FBN1: variants seen among roughly 807,000 people sequenced by gnomAD.
The protein encoded by FBN1 is fibrillin-1.
In FBN1, 29 loss-of-function variants were observed where a neutral mutation model predicts 365.1. The observed-to-expected ratio is 0.08, with a 90% CI of 0.06 to 0.11. FBN1 has a LOEUF of 0.11. Among genes scored for constraint, FBN1 ranks in the 10% least tolerant of loss-of-function variants. The probability of loss-of-function intolerance (pLI) is 1.00; values close to 1 mark genes in which losing one functional copy is unlikely to be tolerated. For missense variants in FBN1, 2,476 were observed against 3,703.2 expected (o/e 0.67, Z 8.60); for synonymous variants, 1,210 against 1,270.5 (o/e 0.95, Z 1.01).
intron 63 of FBN1, among the ~76,000 whole-genome samples, 191 bp from the exon 64 acceptor site, chr15:48,415,958 T>C (rs999032554): frequency 2.6e-5 from 4 of 152,168 alleles, no homozygotes; most frequent in Non-Finnish European, 4.4e-5. Context: ...CTTCTTGCTA[T>C]GTTGTGAGTA....
At position 48,537,652 on chromosome 15, in the gene FBN1, C is replaced by G; in HGVS notation, c.695G>C (p.Arg232Pro). 2 of 1,614,178 alleles carry G rather than the reference C, an allele frequency of 1.2e-6. No homozygotes were observed. The highest frequency in any genetic ancestry group is 1.7e-6 in the Non-Finnish European group (2 of 1,180,026). Residue 232 changes from arginine (R) to proline (P), a missense_variant, in exon 7 of 66, where the codon CGC becomes CCC. By Grantham distance (103) the Arg-to-Pro change is moderately radical. This residue lies in a region of FBN1 where 421 missense variants were observed against 520.1 expected (regional missense o/e 0.81). Coordinates refer to ENST00000316623, the MANE Select transcript of FBN1 (RefSeq NM_000138.5). ...EMCPAQPHPC[R>P]RGFIPNIRTG... is the part of the protein sequence containing the mutation. ...GCGGATATTTGGAATGAAGCCACGG[C>G]GGCAGGGGTGAGGCTGGGCAGGACA... is the stretch of plus-strand genomic sequence containing the variant.
chr15:48,427,238 A>G lies in FBN1; in HGVS notation c.7204+329T>C, dbSNP rs528527845. The stretch of plus-strand genomic sequence containing the variant: ...CTTGGTGGACTGGTTTGCACATTTA[A>G]TAATCATTTATTTCAAAGTTTATCT... On this transcript the variant is annotated intron_variant, in intron 58 of 65. Coordinates refer to ENST00000316623, the MANE Select transcript of FBN1 (RefSeq NM_000138.5). Among the ~76,000 whole-genome samples the G allele has an allele frequency of 2.6e-5, 4 of 152,368 alleles. No individual in the cohort carries two copies. In the East Asian group the frequency reaches 7.7e-4, roughly 29 times the overall value.
chr15:48,606,391 T>C (rs893353515), intron 4 of FBN1, among the ~76,000 whole-genome samples: 1 of 152,198 alleles, frequency 6.6e-6, no homozygotes, highest in African/African-American at 2.4e-5. Context: ...TAGCATGTAC[T>C]ACTACTCAGC....
chr15:48,606,575 T>G (rs918528729), intron 4 of FBN1, among the ~76,000 whole-genome samples: 1 of 152,180 alleles, frequency 6.6e-6, no homozygotes, highest in African/African-American at 2.4e-5. Context: ...TTGTCAGAAT[T>G]AAAGAGAGAA....
chr15:48,427,217 G>A (rs1261265886), intron 58 of FBN1, among the ~76,000 whole-genome samples: 2 of 152,164 alleles, frequency 1.3e-5, no homozygotes, highest in Non-Finnish European at 2.9e-5. Flanking sequence ...CCACATCTTG[G>A]TGGACTGGTT....
intron 30 of FBN1, 125 bp downstream of exon 30, chr15:48,485,249 T>C: frequency 8.2e-7 from 1 of 1,222,222 alleles, no homozygotes; most frequent in Non-Finnish European, 1.2e-6. Flanking sequence ...TGATTAAGGA[T>C]ACAGTTAAAA....
intron 38 of FBN1, among the ~76,000 whole-genome samples, chr15:48,466,993 G>T (rs1452914482): frequency 6.6e-6 from 1 of 152,036 alleles, no homozygotes; most frequent in Non-Finnish European, 1.5e-5. Flanking sequence ...CCCTGTGCTG[G>T]GTGCTCTGCA....
In FBN1 at chr15:48,409,637, G is replaced by C. The variant is rs550626793; in HGVS notation, c.*1353C>G. On this transcript the variant is annotated 3_prime_UTR_variant, in exon 66 of 66. Transcript: ENST00000316623. ...GGATTATCCCTTTGTAATTAGATGA[G>C]CATTGACTAACGAAAGATGTTTAGG... 2.6e-5 allele frequency: 4 copies of C among 152,258 alleles called. No homozygotes were observed. Among genetic ancestry groups the C allele is most frequent in the African/African-American group, 9.6e-5 (4 of 41,530 alleles). 9.4% of individuals were successfully genotyped at this position (152,258 alleles called of 1,614,324 possible).
intron 6 of FBN1, among the ~76,000 whole-genome samples, chr15:48,584,893 A>G (rs1285266620): frequency 1.3e-5 from 2 of 152,222 alleles, no homozygotes; most frequent in African/African-American, 4.8e-5. Flanking sequence ...GTAGAACAAG[A>G]AAGTTCCAAA....
chr15:48,638,175 C>G (rs1371392218), intron 2 of FBN1, among the ~76,000 whole-genome samples: 1 of 152,028 alleles, frequency 6.6e-6, no homozygotes, highest in Non-Finnish European at 1.5e-5. Context: ...ACTGGGATTA[C>G]AGGAATGAGC....
At chr15:48,414,679 G>A (rs533425509) in intron 64 of FBN1, among the ~76,000 whole-genome samples, 6 of 152,066 alleles carry the variant, frequency 3.9e-5, no homozygotes, top group South Asian at 2.1e-4. Flanking sequence ...GGCAGATCAC[G>A]AGGTCCGGAG....
chr15:48,443,482 A>T (rs2043131963), intron 49 of FBN1, among the ~76,000 whole-genome samples: 1 of 152,172 alleles, frequency 6.6e-6, no homozygotes, highest in Admixed American at 6.6e-5. Flanking sequence ...AATAAAGCCA[A>T]TTTTTAATAA....
At chr15:48,423,932 T>G (rs553994856) in intron 60 of FBN1, among the ~76,000 whole-genome samples, 1 of 152,330 alleles carries the variant, frequency 6.6e-6, no homozygotes, top group South Asian at 2.1e-4. Context: ...GCATTTTCAT[T>G]TTTCATCTTT....
chr15:48,435,752 GTGTGTA>G lies in FBN1; in HGVS notation c.6497-1045_6497-1040del, dbSNP rs367937313. On this transcript the variant is annotated intron_variant, in intron 53 of 65. Transcript: ENST00000316623. ...TGTATATATATGTGTGTATATATATGTGTGTATATATATGTGTATATGTGTGTGTGT... is the reference window on the plus strand; with the variant it reads ...TGTATATATATGTGTGTATATATATGTATATATGTGTATATGTGTGTGTGT... Among the ~76,000 whole-genome samples, 281 of 32,292 alleles carry G rather than the reference GTGTGTA, an allele frequency of 8.7e-3. 8 individuals are homozygous for G. The highest frequency in any genetic ancestry group is 0.023 in the South Asian group (24 of 1,030). The allele number at this position is 32,292 out of a possible 152,430, so 21.2% of individuals were successfully genotyped here.
chr15:48,478,203 A>G (rs2043437361), intron 32 of FBN1, among the ~76,000 whole-genome samples: 1 of 152,190 alleles, frequency 6.6e-6, no homozygotes, highest in South Asian at 2.1e-4. Context: ...TTTGGATCCA[A>G]ATTTGAGCCA....
Position 48,526,155 on chromosome 15 carries a change from G to A in FBN1, c.963C>T (p.Thr321=), listed in dbSNP as rs767914958. The A allele has an allele frequency of 3.7e-6, 6 of 1,613,980 alleles. No homozygotes were observed. Among genetic ancestry groups the A allele is most frequent in the African/African-American group, 1.3e-5 (1 of 74,898 alleles). ...YFCKCPPGFY[T]SPDGTRCIDV... is the part of the protein sequence containing the mutation. ...CTATGCATCTGGTACCATCTGGAGA[G>A]GTGTAAAAACCAGGGGGACATTTGC... Residue 321 remains threonine, a synonymous_variant, in exon 9 of 66, where the codon ACC becomes ACT. Transcript: ENST00000316623.
intron 17 of FBN1, 38 bp from the exon 18 acceptor site, chr15:48,499,076 T>C: frequency 6.2e-7 from 1 of 1,605,582 alleles, no homozygotes; most frequent in Non-Finnish European, 8.5e-7. Flanking sequence ...ATTCCCTTGT[T>C]TGCAGAACAG....
At chr15:48,515,337 G>C in intron 12 of FBN1, 50 bp downstream of exon 12, 1 of 1,608,840 alleles carries the variant, frequency 6.2e-7, no homozygotes, top group Non-Finnish European at 8.5e-7. Context: ...TAGAGTCAAG[G>C]AACAGAATTA....
At chr15:48,532,352 A>C (rs909338592) in intron 8 of FBN1, among the ~76,000 whole-genome samples, 2 of 152,048 alleles carry the variant, frequency 1.3e-5, no homozygotes, top group Admixed American at 6.6e-5. Flanking sequence ...ATAAAACACA[A>C]CCTATCGTTG....
Sources: allele counts gnomAD v4.1 joint callset (sites outside exome capture counted in the v4.1 genomes callset), GRCh38; gene constraint gnomAD v4.1.1; regional missense constraint gnomAD v4.1.1; transcripts MANE v1.5; gene names NCBI Gene and HGNC (gene_info 2026-07-23, HGNC 2026-07-21).